The following FOXO1 variants were observed in gnomAD, a reference collection of about 807,000 sequenced individuals.
FOXO1 encodes forkhead box O1.
FOXO1 carries 6 observed loss-of-function variants against 44.1 expected under a neutral mutation model. That is an observed-to-expected ratio of 0.14 (90% CI 0.07 to 0.27). The LOEUF (loss-of-function observed/expected upper bound fraction) is 0.27, where lower values mean the gene tolerates loss of function less well. Among genes scored for constraint, FOXO1 ranks in the 10% least tolerant of loss-of-function variants. The pLI, the probability that FOXO1 is intolerant of heterozygous loss-of-function variation, is 1.00. For synonymous variants in FOXO1, 380 were observed against 362.7 expected (o/e 1.05, Z -0.54); for missense variants, 737 against 888.8 (o/e 0.83, Z 2.17).
chr13:40,576,023 T>C (rs1193338539), intron 1 of FOXO1, among the ~76,000 whole-genome samples: 1 of 152,210 alleles, frequency 6.6e-6, no homozygotes, highest in East Asian at 1.9e-4. Context: ...CTGAGTGCTC[T>C]TGGATAAATG....
intron 1 of FOXO1, among the ~76,000 whole-genome samples, chr13:40,648,527 C>A (rs1042024850): frequency 6.6e-6 from 1 of 152,184 alleles, no homozygotes; most frequent in Admixed American, 6.5e-5. Context: ...CCATAAAAAG[C>A]ATGTGCATTC....
At chr13:40,629,768 C>T (rs4581585) in intron 1 of FOXO1, among the ~76,000 whole-genome samples, 62,881 of 151,976 alleles carry the variant, frequency 0.41, 14,250 homozygotes, top group East Asian at 0.73. Context: ...GCCCTTGCTT[C>T]ACATGCTCAG....
chr13:40,615,946 C>T (rs1876409434), intron 1 of FOXO1, among the ~76,000 whole-genome samples: 1 of 152,174 alleles, frequency 6.6e-6, no homozygotes, highest in Non-Finnish European at 1.5e-5. Flanking sequence ...TCCGTCTGGC[C>T]TTGCTGAGTA....
chr13:40,582,193 A>G (rs1874981334), intron 1 of FOXO1, among the ~76,000 whole-genome samples: 1 of 152,244 alleles, frequency 6.6e-6, no homozygotes, highest in Admixed American at 6.5e-5. Context: ...ATTATATTGT[A>G]GCCTATTAAG....
At chr13:40,618,909 C>G in intron 1 of FOXO1, 1 of 525,652 alleles carries the variant, frequency 1.9e-6, no homozygotes, top group South Asian at 1.4e-5. Flanking sequence ...CTTTTAGGCT[C>G]CCCTAGAGAA....
At chr13:40,604,404 C>G (rs1197369270) in intron 1 of FOXO1, among the ~76,000 whole-genome samples, 1 of 143,884 alleles carries the variant, frequency 7.0e-6, no homozygotes, top group Non-Finnish European at 1.5e-5. Context: ...TTTTATCATT[C>G]TTGCCTCTGG....
At chr13:40,663,038 T>G (rs546716710) in intron 1 of FOXO1, among the ~76,000 whole-genome samples, 4 of 152,224 alleles carry the variant, frequency 2.6e-5, no homozygotes, top group Non-Finnish European at 4.4e-5. Flanking sequence ...ACTGAAAATG[T>G]ACTTGCTGCA....
intron 1 of FOXO1, among the ~76,000 whole-genome samples, chr13:40,652,398 T>C (rs1190736442): frequency 2.6e-5 from 4 of 151,074 alleles, no homozygotes; most frequent in Non-Finnish European, 5.9e-5. Context: ...CCAACACGCC[T>C]GGCTAATTTT....
chr13:40,652,717 C>T (rs1044647080), intron 1 of FOXO1, among the ~76,000 whole-genome samples: 1 of 152,124 alleles, frequency 6.6e-6, no homozygotes, highest in Non-Finnish European at 1.5e-5. Flanking sequence ...ACATTGTGAC[C>T]GTTACTACCT....
Position 40,560,603 on chromosome 13 carries a change from A to G in FOXO1, c.888T>C (p.Pro296=). The change falls in exon 2 of 3, where the codon CCT becomes CCC. Residue 296 remains proline (P), a synonymous_variant. Transcript: ENST00000379561. The surrounding 1 kb of genome is among the most constrained non-coding windows in gnomAD (Gnocchi z 5.1). Reference sequence around the variant, plus strand: ...CATTGCTGTGAGAGCCAGGGCTTGCAGGCCATTTGGAAAACTGTGATCCAG... The same window carrying G: ...CATTGCTGTGAGAGCCAGGGCTTGCGGGCCATTTGGAAAACTGTGATCCAG... The part of the protein sequence containing the change: ...DSPGSQFSKW[P]ASPGSHSNDD... 2 of 1,614,202 alleles carry G rather than the reference A, an allele frequency of 1.2e-6. No individual in the cohort carries two copies. Among genetic ancestry groups the G allele is most frequent in the Non-Finnish European group, 1.7e-6 (2 of 1,180,032 alleles).
chr13:40,613,413 T>C (rs1378260061), intron 1 of FOXO1, among the ~76,000 whole-genome samples: 2 of 142,614 alleles, frequency 1.4e-5, no homozygotes, highest in African/African-American at 5.6e-5. Context: ...ATTTTCAGTT[T>C]GGTGTTTAAA....
At chr13:40,638,921 C>A (rs570191505) in intron 1 of FOXO1, among the ~76,000 whole-genome samples, 138 of 152,276 alleles carry the variant, frequency 9.1e-4, no homozygotes, top group African/African-American at 3.2e-3. Flanking sequence ...AGGCCAGGCA[C>A]GGTGGCTCAC....
At chr13:40,588,728 T>TA (rs1355574348) in intron 1 of FOXO1, among the ~76,000 whole-genome samples, 9 of 152,154 alleles carry the variant, frequency 5.9e-5, no homozygotes, top group African/African-American at 2.2e-4. Context: ...AATGAGCAAC[T>TA]ATGGAGGTCT....
intron 1 of FOXO1, among the ~76,000 whole-genome samples, chr13:40,615,566 T>C (rs4941986): frequency 0.12 from 14,683 of 121,202 alleles, 944 homozygotes; most frequent in South Asian, 0.2. Context: ...CATACATACA[T>C]ACATACATAC....
At chr13:40,642,248 T>A (rs926878528) in intron 1 of FOXO1, among the ~76,000 whole-genome samples, 2 of 152,166 alleles carry the variant, frequency 1.3e-5, no homozygotes, top group Non-Finnish European at 2.9e-5. Context: ...ATTCTATAGA[T>A]TTTTTTCACA....
intron 1 of FOXO1, among the ~76,000 whole-genome samples, chr13:40,638,107 A>C (rs763385197): frequency 1.3e-5 from 2 of 152,220 alleles, no homozygotes; most frequent in Non-Finnish European, 2.9e-5. Flanking sequence ...CTGTCAGTAG[A>C]CTTCAGTGGC....
intron 1 of FOXO1, among the ~76,000 whole-genome samples, chr13:40,601,929 G>T (rs1875827633): frequency 6.6e-6 from 1 of 152,046 alleles, no homozygotes; most frequent in African/African-American, 2.4e-5. Flanking sequence ...ACAGTAACTA[G>T]AACTCTCTAG....
chr13:40,639,536 C>T (rs1877279693), intron 1 of FOXO1, among the ~76,000 whole-genome samples: 1 of 152,212 alleles, frequency 6.6e-6, no homozygotes, highest in Non-Finnish European at 1.5e-5. Context: ...AAAAAATAAA[C>T]TAATTTTGTC....
chr13:40,610,125 C>T (rs540099581), intron 1 of FOXO1, among the ~76,000 whole-genome samples: 37 of 152,132 alleles, frequency 2.4e-4, no homozygotes, highest in Admixed American at 6.5e-4. Flanking sequence ...ACTGAGGACA[C>T]GCTGCATCCA....
Sources: allele counts gnomAD v4.1 joint callset (sites outside exome capture counted in the v4.1 genomes callset), GRCh38; gene constraint gnomAD v4.1.1; non-coding constraint Gnocchi (gnomAD v3.1); transcripts MANE v1.5; gene names NCBI Gene and HGNC (gene_info 2026-07-23, HGNC 2026-07-21).